SPDYA: variants seen among roughly 807,000 people sequenced by gnomAD.
SPDYA encodes speedy/RINGO cell cycle regulator family member A.
Under a neutral mutation model 36.7 loss-of-function variants are expected in SPDYA, and 11 were observed. The ratio of observed to expected loss-of-function variants is 0.30; its 90% CI spans 0.19 to 0.50. SPDYA has a LOEUF of 0.50. Ranked by LOEUF, SPDYA falls within the 20% of genes least tolerant of loss-of-function variation. The probability of loss-of-function intolerance (pLI) is 0.98; values close to 1 mark genes in which losing one functional copy is unlikely to be tolerated. For synonymous variants in SPDYA, 115 were observed against 118.7 expected, an observed-to-expected ratio of 0.97 and a Z score of 0.20; for missense variants, 287 against 370.9, an observed-to-expected ratio of 0.77 and a Z score of 1.86.
At chr2:28,815,283 A>AACACAC (rs55773017) in intron 2 of SPDYA, among the ~76,000 whole-genome samples, 2,419 of 136,876 alleles carry the variant, frequency 0.018, 35 homozygotes, top group African/African-American at 0.028. Context: ...CCCTGTCTGA[A>AACACAC]ACACACACAC....
intron 3 of SPDYA, among the ~76,000 whole-genome samples, chr2:28,817,491 G>A (rs1256336897): frequency 6.6e-6 from 1 of 151,834 alleles, no homozygotes; most frequent in African/African-American, 2.4e-5. Context: ...AACCCGGGAG[G>A]TGGAGGTTGC....
At chr2:28,812,684 C>G (rs1218345306) in intron 1 of SPDYA, among the ~76,000 whole-genome samples, 1 of 151,788 alleles carries the variant, frequency 6.6e-6, no homozygotes, top group African/African-American at 2.4e-5. Flanking sequence ...TGGCGAAACC[C>G]CATCTCTACT....
At chr2:28,829,715 G>A (rs1358220829) in intron 6 of SPDYA, among the ~76,000 whole-genome samples, 4 of 151,644 alleles carry the variant, frequency 2.6e-5, no homozygotes, top group Admixed American at 6.6e-5. Context: ...AGGCCGAGGC[G>A]GGCAGATCAC....
chr2:28,848,633 CTATAA>C (rs1338870917), intron 7 of SPDYA, among the ~76,000 whole-genome samples: 21 of 152,108 alleles, frequency 1.4e-4, no homozygotes, highest in Admixed American at 6.6e-5. Flanking sequence ...GTCCTACGTT[CTATAA>C]TATGTTATTT....
At chr2:28,843,934 T>C (rs1017262872) in intron 7 of SPDYA, among the ~76,000 whole-genome samples, 2 of 152,148 alleles carry the variant, frequency 1.3e-5, no homozygotes, top group African/African-American at 4.8e-5. Context: ...TTATGTATTA[T>C]CTGAGGACCC....
chr2:28,825,738 G>A (rs1668300610), intron 5 of SPDYA, among the ~76,000 whole-genome samples: 1 of 151,694 alleles, frequency 6.6e-6, no homozygotes, highest in South Asian at 2.1e-4. Context: ...CATATAGGAG[G>A]TTCTTAATTT....
At chr2:28,824,545 C>CTTTTCTTTCTTTTTTT (rs1668268914) in intron 5 of SPDYA, among the ~76,000 whole-genome samples, 1 of 121,876 alleles carries the variant, frequency 8.2e-6, no homozygotes, top group Non-Finnish European at 1.6e-5. Context: ...TTTTTCTTTT[C>CTTTTCTTTCTTTTTTT]TTTCTTTCTT....
intron 5 of SPDYA, among the ~76,000 whole-genome samples, chr2:28,823,351 G>A (rs577651322): frequency 3.3e-5 from 5 of 152,068 alleles, no homozygotes; most frequent in Non-Finnish European, 5.9e-5. Flanking sequence ...GGCCAGGCAC[G>A]GTGGCTCACG....
In SPDYA at chr2:28,823,128, G is replaced by A. The variant is rs145359360; in HGVS notation, c.380+718G>A. 9.2e-5 allele frequency among the ~76,000 whole-genome samples: 14 copies of A among 152,096 alleles called. No homozygotes were observed. In the East Asian group the frequency reaches 2.7e-3, roughly 29 times the overall value. On this transcript the variant is annotated intron_variant, in intron 5 of 7. Coordinates refer to ENST00000334056, the MANE Select transcript of SPDYA (RefSeq NM_182756.4). The stretch of plus-strand genomic sequence containing the variant: ...AAATGCTCTAAACATAGTCTTTGTG[G>A]ACCTATATCTATAACATAGTCATTA...
Position 28,850,252 on chromosome 2 carries a change from G to C in SPDYA, c.*311G>C. ...AACTTGACAAGAAAAGCTAATTTAA[G>C]AGAAGAAAAACATAAAGTCATTATA... is the stretch of plus-strand genomic sequence containing the variant. On this transcript the variant is annotated 3_prime_UTR_variant, in exon 8 of 8. Transcript: ENST00000334056. 1.9e-6 allele frequency: 3 copies of C among 1,610,476 alleles called. No individual in the cohort carries two copies. The highest frequency in any genetic ancestry group is 2.5e-6 in the Non-Finnish European group (3 of 1,178,118).
intron 3 of SPDYA, among the ~76,000 whole-genome samples, chr2:28,818,606 GTGTT>G (rs1329284867): frequency 1.1e-4 from 17 of 152,098 alleles, no homozygotes; most frequent in South Asian, 1.0e-3. Context: ...TTTTAACAAT[GTGTT>G]TGTTTGTTGA....
In SPDYA at chr2:28,848,189, C is replaced by A. The variant is rs138209332; in HGVS notation, c.851-1661C>A. ...GCTAGTTACATACAGAAATATACCA[C>A]CAGAATACTCTGCTCCTGATTCAAT... On this transcript the variant is annotated intron_variant, in intron 7 of 7. Coordinates refer to ENST00000334056, the MANE Select transcript of SPDYA (RefSeq NM_182756.4). Among the ~76,000 whole-genome samples the A allele has an allele frequency of 4.5e-3, 684 of 152,322 alleles. 6 individuals carry two copies. Among genetic ancestry groups the A allele is most frequent in the African/African-American group, 0.016 (648 of 41,574 alleles).
intron 7 of SPDYA, among the ~76,000 whole-genome samples, chr2:28,846,722 TACACACACACAC>T (rs58731880): frequency 0.012 from 1,557 of 126,556 alleles, 21 homozygotes; most frequent in African/African-American, 0.035. Context: ...AGAAGAAAAC[TACACACACACAC>T]ACACACACAC....
rs1180132778 is a variant in SPDYA at position 28,824,478 on chromosome 2, GA to G, written c.380+2081del. 7.8e-3 allele frequency among the ~76,000 whole-genome samples: 605 copies of G among 77,378 alleles called. 1 individual carries two copies. Among genetic ancestry groups the G allele is most frequent in the Non-Finnish European group, 0.011 (508 of 45,074 alleles). The allele number at this position is 77,378 out of a possible 152,430, so 50.8% of individuals were successfully genotyped here. On this transcript the variant is annotated intron_variant, in intron 5 of 7. Coordinates refer to ENST00000334056, the MANE Select transcript of SPDYA (RefSeq NM_182756.4). ...GCAACAGAGCAAGATGCTGTCAGGAGAAAAAAAAAAAAACAAAAAAAAAAAA... is the reference window on the plus strand; with the variant it reads ...GCAACAGAGCAAGATGCTGTCAGGAGAAAAAAAAAAAACAAAAAAAAAAAA...
intron 3 of SPDYA, among the ~76,000 whole-genome samples, chr2:28,818,178 A>C (rs990964508): frequency 2.6e-5 from 4 of 152,116 alleles, no homozygotes; most frequent in Non-Finnish European, 5.9e-5. Context: ...AAAAGGAAAA[A>C]AAGTTAGCAA....
chr2:28,840,540 G>A (rs1668725524), intron 7 of SPDYA, 71 bp downstream of exon 7: 1 of 1,535,846 alleles, frequency 6.5e-7, no homozygotes, highest in Non-Finnish European at 8.7e-7. Context: ...GTCCTTTCTG[G>A]CGGGGATACA....
rs1668820146 is a variant in SPDYA, at chr2:28,844,372, T to C, written c.850+3903T>C. On this transcript the variant is annotated intron_variant, in intron 7 of 7. Coordinates refer to ENST00000334056, the MANE Select transcript of SPDYA (RefSeq NM_182756.4). ...TGAATAGCAGACAGAAGTTTGAAAA[T>C]ACAGCTGGTCCTTGACTTACCTATG... Among the ~76,000 whole-genome samples the C allele has an allele frequency of 2.0e-5, 3 of 152,178 alleles. No homozygotes were observed. In the South Asian group the frequency reaches 6.2e-4, roughly 31 times the overall value.
chr2:28,816,267 T>TA lies in SPDYA; in HGVS notation c.235+20dup. 6.6e-7 allele frequency: 1 copy of TA among 1,515,646 alleles called. No homozygotes were observed. Among genetic ancestry groups the TA allele is most frequent in the South Asian group, 1.2e-5 (1 of 81,852 alleles). 93.9% of individuals were successfully genotyped at this position (1,515,646 alleles called of 1,614,324 possible). A position where few individuals can be genotyped will look rare whatever the true frequency, so the allele number is the denominator to read the frequency against. ...ATTATTTGGTAGGTTTAAAATATTGTAATAGTGGTAATTATAAAGTACTAA... is the reference window on the plus strand; with the variant it reads ...ATTATTTGGTAGGTTTAAAATATTGTAAATAGTGGTAATTATAAAGTACTAA... On this transcript the variant is annotated intron_variant, in intron 3 of 7. Coordinates refer to ENST00000334056, the MANE Select transcript of SPDYA (RefSeq NM_182756.4).
At position 28,840,363 on chromosome 2, in the gene SPDYA, A is replaced by C; in HGVS notation, c.744A>C (p.Leu248Phe). ...VRLGLSSSSSLSSHTAGVTEK... is the reference protein window; with the variant it reads ...VRLGLSSSSSFSSHTAGVTEK... ...TGGGATTGTCTTCATCATCATCTTT[A>C]TCCAGTCATACAGCAGGGGTGACAG... The change falls in exon 7 of 8, where the codon TTA (leucine) becomes TTC (phenylalanine). Residue 248 changes from leucine to phenylalanine, a missense_variant. Physicochemically the swap from Leu to Phe is conservative, Grantham distance 22. Coordinates refer to ENST00000334056, the MANE Select transcript of SPDYA (RefSeq NM_182756.4). 1 of 1,611,548 alleles carries C rather than the reference A, an allele frequency of 6.2e-7. No individual in the cohort carries two copies. The highest frequency in any genetic ancestry group is 8.5e-7 in the Non-Finnish European group (1 of 1,179,018).
Sources: gnomAD v4.1 joint callset for allele counts (sites outside exome capture counted in the v4.1 genomes callset) on GRCh38, gnomAD v4.1.1 for gene constraint, MANE v1.5 for transcripts, NCBI Gene and HGNC (gene_info 2026-07-23, HGNC 2026-07-21) for gene names.